The following ST6GAL1 variants were observed in gnomAD, a reference collection of about 807,000 sequenced individuals.
ST6GAL1 encodes the protein beta-galactoside alpha-2,6-sialyltransferase 1.
A neutral mutation model predicts 38.0 loss-of-function variants in ST6GAL1; 20 were observed. That is an observed-to-expected ratio of 0.53 (90% CI 0.37 to 0.77). ST6GAL1 has a LOEUF of 0.77. Ranked by LOEUF, ST6GAL1 falls within the 30% of genes least tolerant of loss-of-function variation. The pLI, the probability that ST6GAL1 is intolerant of heterozygous loss-of-function variation, is 0.00. For synonymous variants in ST6GAL1, 196 were observed against 188.2 expected, an observed-to-expected ratio of 1.04 and a Z score of -0.34; for missense variants, 432 against 496.4, an observed-to-expected ratio of 0.87 and a Z score of 1.23.
chr3:186,979,251 T>A (rs1028352830), intron 2 of ST6GAL1, among the ~76,000 whole-genome samples: 26 of 152,122 alleles, frequency 1.7e-4, no homozygotes, highest in African/African-American at 6.3e-4. Flanking sequence ...GGAGAGGTGA[T>A]ACCCTGAGGC....
chr3:186,954,703 T>A (rs1714689917), intron 1 of ST6GAL1, among the ~76,000 whole-genome samples: 1 of 152,166 alleles, frequency 6.6e-6, no homozygotes, highest in African/African-American at 2.4e-5. Flanking sequence ...TTGTTTAAAT[T>A]CCTTGTAGAT....
chr3:186,983,131 G>A (rs971532777), intron 2 of ST6GAL1, among the ~76,000 whole-genome samples: 1 of 152,156 alleles, frequency 6.6e-6, no homozygotes, highest in Non-Finnish European at 1.5e-5. Flanking sequence ...ATTTCACAGA[G>A]TGTCTAGCAG....
chr3:186,943,754 C>T (rs537184197), intron 1 of ST6GAL1, among the ~76,000 whole-genome samples: 1 of 152,318 alleles, frequency 6.6e-6, no homozygotes, highest in African/African-American at 2.4e-5. Flanking sequence ...GGCCTATTAT[C>T]TCAGATTAAT....
intron 2 of ST6GAL1, among the ~76,000 whole-genome samples, chr3:186,977,121 A>G (rs1715545057): frequency 6.6e-6 from 1 of 152,182 alleles, no homozygotes; most frequent in African/African-American, 2.4e-5. Flanking sequence ...TTTGCTCCTC[A>G]GCCAGCAAGG....
At chr3:186,946,820 A>C (rs1374092308) in intron 1 of ST6GAL1, among the ~76,000 whole-genome samples, 1 of 152,176 alleles carries the variant, frequency 6.6e-6, no homozygotes, top group Non-Finnish European at 1.5e-5. Flanking sequence ...GGGAGTGAAG[A>C]GTGGGAACGG....
At chr3:186,945,879 T>C (rs566613473) in intron 1 of ST6GAL1, among the ~76,000 whole-genome samples, 1 of 150,224 alleles carries the variant, frequency 6.7e-6, no homozygotes, top group Admixed American at 6.7e-5. Flanking sequence ...CAGTCTCAGC[T>C]ACTTGGGAGG....
Position 186,953,644 on chromosome 3 carries a change from AT to A in ST6GAL1, c.-324-10140del, listed in dbSNP as rs1234645835. 2.0e-5 allele frequency among the ~76,000 whole-genome samples: 3 copies of A among 152,178 alleles called. No individual in the cohort carries two copies. In the East Asian group the frequency reaches 5.8e-4, roughly 29 times the overall value. ...TTGCTTCCATGAGGGCAAGGATGTT[AT>A]CTCTTTTGCTCACAGCTATTTCTTT... is the stretch of plus-strand genomic sequence containing the variant. On this transcript the variant is annotated intron_variant, in intron 1 of 7. Transcript: ENST00000169298.
At chr3:187,030,079 G>A (rs1717689484) in intron 2 of ST6GAL1, among the ~76,000 whole-genome samples, 1 of 152,220 alleles carries the variant, frequency 6.6e-6, no homozygotes, top group Admixed American at 6.5e-5. Context: ...GAGATCAAAG[G>A]ACTGTGAGGC....
intron 4 of ST6GAL1, among the ~76,000 whole-genome samples, chr3:187,048,452 G>A (rs928631507): frequency 5.9e-5 from 9 of 152,088 alleles, no homozygotes; most frequent in Non-Finnish European, 8.8e-5. Flanking sequence ...TCCCAAGGCT[G>A]GCCATCCTTT....
At chr3:186,957,873 G>C (rs1714799127) in intron 1 of ST6GAL1, among the ~76,000 whole-genome samples, 1 of 152,088 alleles carries the variant, frequency 6.6e-6, no homozygotes, top group African/African-American at 2.4e-5. Context: ...TCAGGTATGA[G>C]AAGTCTCAAT....
At chr3:187,029,087 C>CAAAA (rs1560168369) in intron 2 of ST6GAL1, among the ~76,000 whole-genome samples, 1 of 9,612 alleles carries the variant, frequency 1.0e-4, no homozygotes, top group African/African-American at 2.4e-4. Flanking sequence ...GACCTTGTCT[C>CAAAA]TAAAAAAAAA....
intron 2 of ST6GAL1, among the ~76,000 whole-genome samples, chr3:186,993,510 C>T (rs1457107588): frequency 2.6e-5 from 4 of 152,152 alleles, no homozygotes; most frequent in African/African-American, 7.2e-5. Context: ...CTTGGCATCA[C>T]GGGGTGCAGT....
chr3:187,046,997 G>C (rs1415561043), intron 4 of ST6GAL1, among the ~76,000 whole-genome samples: 1 of 152,202 alleles, frequency 6.6e-6, no homozygotes, highest in East Asian at 1.9e-4. Context: ...CCAGGCTGGA[G>C]TGCAGTGGCA....
chr3:187,067,517 T>C (rs1473586344), intron 5 of ST6GAL1, among the ~76,000 whole-genome samples: 2 of 151,462 alleles, frequency 1.3e-5, no homozygotes, highest in East Asian at 3.9e-4. Flanking sequence ...TTCTCCCTTA[T>C]CCCTCAACCA....
chr3:186,951,807 A>C (rs1714589360), intron 1 of ST6GAL1, among the ~76,000 whole-genome samples: 1 of 152,206 alleles, frequency 6.6e-6, no homozygotes, highest in South Asian at 2.1e-4. Context: ...TGGTTTATAA[A>C]CAAAAGAAAT....
chr3:186,989,413 GA>G (rs1716074910), intron 2 of ST6GAL1, among the ~76,000 whole-genome samples: 1 of 152,236 alleles, frequency 6.6e-6, no homozygotes, highest in African/African-American at 2.4e-5. Context: ...TGTCTTGAAA[GA>G]AGGGTTGTCA....
chr3:187,062,321 T>C (rs9847807), intron 5 of ST6GAL1, among the ~76,000 whole-genome samples: 15,105 of 152,084 alleles, frequency 0.099, 2,503 homozygotes, highest in African/African-American at 0.34. Context: ...TCTAATAATC[T>C]TATTTATTGG....
At chr3:186,951,077 TA>T (rs1299026355) in intron 1 of ST6GAL1, among the ~76,000 whole-genome samples, 1 of 152,216 alleles carries the variant, frequency 6.6e-6, no homozygotes. Flanking sequence ...CTTTTTTGTT[TA>T]TTTTTTTTGA....
chr3:187,074,173 G>A lies in ST6GAL1; in HGVS notation c.819G>A (p.Pro273=), dbSNP rs369650964. 3.9e-5 allele frequency: 63 copies of A among 1,605,690 alleles called. No individual in the cohort carries two copies. The highest frequency in any genetic ancestry group is 3.6e-4 in the African/African-American group (27 of 74,512). The change falls in exon 7 of 8, where the codon CCG becomes CCA. Residue 273 remains proline, a synonymous_variant. Transcript: ENST00000169298. The part of the protein sequence containing the change: ...HSDIPKWYQN[P]DYNFFNNYKT... Reference sequence around the variant, plus strand: ...TTCTTTTTCAGTGGTACCAGAATCCGGATTATAATTTCTTTAACAACTACA... The same window carrying A: ...TTCTTTTTCAGTGGTACCAGAATCCAGATTATAATTTCTTTAACAACTACA...
Sources: allele counts gnomAD v4.1 joint callset (sites outside exome capture counted in the v4.1 genomes callset), GRCh38; gene constraint gnomAD v4.1.1; transcripts MANE v1.5; gene names NCBI Gene and HGNC (gene_info 2026-07-23, HGNC 2026-07-21).